PCDHA9: variants seen among roughly 807,000 people sequenced by gnomAD.
PCDHA9 encodes the protein protocadherin alpha-9.
In PCDHA9, 62 loss-of-function variants were observed where a neutral mutation model predicts 62.0. The ratio of observed to expected loss-of-function variants is 1.00; its 90% CI spans 0.81 to 1.23. The LOEUF is 1.23. Ranked by LOEUF, PCDHA9 falls within the 50% of genes most tolerant of loss-of-function variation. The probability of loss-of-function intolerance (pLI) is 0.00; values close to 1 mark genes in which losing one functional copy is unlikely to be tolerated. For missense variants in PCDHA9, 1,205 were observed against 1,249.8 expected (o/e 0.96, Z 0.54); for synonymous variants, 557 against 567.6 (o/e 0.98, Z 0.27).
chr5:140,926,141 A>T (rs2082938262), intron 1 of PCDHA9, among the ~76,000 whole-genome samples: 1 of 152,038 alleles, frequency 6.6e-6, no homozygotes, highest in Non-Finnish European at 1.5e-5. Context: ...AGCAGGATCC[A>T]GCGCGGAAAG....
rs1291498310 is a variant in PCDHA9, at chr5:140,946,680, G to A, written c.2395-32269G>A. Among the ~76,000 whole-genome samples, 6 of 145,092 alleles carry A rather than the reference G, an allele frequency of 4.1e-5. No homozygotes were observed. In the East Asian group the frequency reaches 9.9e-4, roughly 24 times the overall value. On this transcript the variant is annotated intron_variant, in intron 1 of 3. Coordinates refer to ENST00000532602, the MANE Select transcript of PCDHA9 (RefSeq NM_031857.2). ...TAGAAAGAATGAAATCCTGTCATTCGTGACAATATGGATGAATCTGGAGGT... is the reference window on the plus strand; with the variant it reads ...TAGAAAGAATGAAATCCTGTCATTCATGACAATATGGATGAATCTGGAGGT...
chr5:140,927,308 C>T (rs782694957), intron 1 of PCDHA9: 3 of 1,614,186 alleles, frequency 1.9e-6, no homozygotes, highest in Non-Finnish European at 2.5e-6. Flanking sequence ...TTCCTGACGC[C>T]CGGAGCCCGC....
At chr5:140,865,298 C>T (rs1213333279) in intron 1 of PCDHA9, 2 of 152,028 alleles carry the variant, frequency 1.3e-5, no homozygotes, top group Non-Finnish European at 2.9e-5. Flanking sequence ...CTTTTTGGCT[C>T]TAATTACAAA....
chr5:140,950,711 T>C (rs1173209854), intron 1 of PCDHA9, among the ~76,000 whole-genome samples: 2 of 152,094 alleles, frequency 1.3e-5, no homozygotes, highest in African/African-American at 4.8e-5. Flanking sequence ...TTTTTGTTCC[T>C]TATATCCTTA....
intron 1 of PCDHA9, among the ~76,000 whole-genome samples, chr5:140,880,559 G>A (rs929072104): frequency 2.0e-5 from 3 of 152,224 alleles, no homozygotes; most frequent in Non-Finnish European, 4.4e-5. Context: ...TGGAAATGAG[G>A]TTGAGAATTT....
At chr5:140,997,762 A>G (rs2097784598) in intron 3 of PCDHA9, among the ~76,000 whole-genome samples, 1 of 152,118 alleles carries the variant, frequency 6.6e-6, no homozygotes, top group Non-Finnish European at 1.5e-5. Context: ...GAGTAAGGAT[A>G]TAGCACTATG....
chr5:140,885,965 A>C (rs2060792569), intron 1 of PCDHA9, among the ~76,000 whole-genome samples: 1 of 152,070 alleles, frequency 6.6e-6, no homozygotes, highest in African/African-American at 2.4e-5. Context: ...TTTTATTTTG[A>C]GATAATTATA....
intron 1 of PCDHA9, among the ~76,000 whole-genome samples, chr5:140,930,742 A>G (rs2087064675): frequency 6.6e-6 from 1 of 152,216 alleles, no homozygotes; most frequent in Non-Finnish European, 1.5e-5. Context: ...AATAAAATAA[A>G]TTTACATATG....
chr5:140,949,992 G>A (rs2094439293), intron 1 of PCDHA9, among the ~76,000 whole-genome samples: 1 of 151,522 alleles, frequency 6.6e-6, no homozygotes, highest in African/African-American at 2.4e-5. Flanking sequence ...ACTTTTCTCA[G>A]TCCACTTAAT....
At chr5:140,877,839 A>G (rs2057367244) in intron 1 of PCDHA9, 12 of 1,582,068 alleles carry the variant, frequency 7.6e-6, no homozygotes, top group Non-Finnish European at 9.4e-6. Flanking sequence ...CTCCCAGTGA[A>G]GTAAGTTATT....
intron 1 of PCDHA9, among the ~76,000 whole-genome samples, chr5:140,901,060 AT>A (rs542927280): frequency 1.3e-5 from 2 of 151,130 alleles, no homozygotes; most frequent in East Asian, 3.9e-4. Flanking sequence ...AGATTATTAG[AT>A]TTTTTTTTCT....
chr5:140,906,382 G>A (rs1384682039), intron 1 of PCDHA9, among the ~76,000 whole-genome samples: 2 of 152,072 alleles, frequency 1.3e-5, no homozygotes, highest in Non-Finnish European at 2.9e-5. Context: ...ATTACATAAA[G>A]TTAACATTTA....
chr5:140,856,112 G>A (rs782115498), intron 1 of PCDHA9: 1 of 1,598,078 alleles, frequency 6.3e-7, no homozygotes, highest in African/African-American at 1.3e-5. Flanking sequence ...TCTCCTCGCA[G>A]CCTGGGAGGT....
intron 3 of PCDHA9, chr5:140,988,853 A>G (rs1216953693): frequency 1.3e-5 from 2 of 152,208 alleles, no homozygotes; most frequent in Non-Finnish European, 2.9e-5. Flanking sequence ...AAACCTATCC[A>G]GTCTCATGTG....
At chr5:140,927,598 T>G (rs2084398863) in intron 1 of PCDHA9, 1 of 1,614,046 alleles carries the variant, frequency 6.2e-7, no homozygotes, top group African/African-American at 1.3e-5. Flanking sequence ...ATTTGAGCGC[T>G]CCGTATACCG....
chr5:140,853,632 CA>C, intron 1 of PCDHA9: 1 of 988,598 alleles, frequency 1.0e-6, no homozygotes, highest in South Asian at 4.7e-5. Flanking sequence ...TACAAGATCA[CA>C]GACCTAAATT....
At chr5:140,888,234 G>A (rs1554183382) in intron 1 of PCDHA9, among the ~76,000 whole-genome samples, 2 of 152,250 alleles carry the variant, frequency 1.3e-5, no homozygotes, top group East Asian at 1.9e-4. Flanking sequence ...ATGTGTGTGC[G>A]TGTTCCTTTA....
intron 1 of PCDHA9, among the ~76,000 whole-genome samples, chr5:140,947,198 TA>T (rs1554218091): frequency 1.3e-5 from 2 of 151,312 alleles, no homozygotes; most frequent in African/African-American, 4.8e-5. Flanking sequence ...TACACAGCCT[TA>T]AAAAAAGAAA....
At chr5:140,876,630 C>T in intron 1 of PCDHA9, 2 of 1,614,226 alleles carry the variant, frequency 1.2e-6, no homozygotes, top group Non-Finnish European at 1.7e-6. Context: ...GACAGGTCAT[C>T]TGCTCACTGA....
Sources: gnomAD v4.1 joint callset for allele counts (sites outside exome capture counted in the v4.1 genomes callset) on GRCh38, gnomAD v4.1.1 for gene constraint, MANE v1.5 for transcripts, NCBI Gene and HGNC (gene_info 2026-07-23, HGNC 2026-07-21) for gene names.